DNM3: variants seen among roughly 807,000 people sequenced by gnomAD.
The protein encoded by DNM3 is dynamin-3.
A neutral mutation model predicts 101.6 loss-of-function variants in DNM3; 47 were observed. The ratio of observed to expected loss-of-function variants is 0.46; its 90% confidence interval spans 0.37 to 0.59. DNM3 has a LOEUF of 0.59. Among genes scored for constraint, DNM3 ranks in the 20% least tolerant of loss-of-function variants. The pLI, the probability that DNM3 is intolerant of heterozygous loss-of-function variation, is 0.00. For synonymous variants in DNM3, 385 were observed against 387.9 expected (o/e 0.99, Z 0.09); for missense variants, 849 against 1,085.7 (o/e 0.78, Z 3.06).
At chr1:172,102,660 G>A (rs1420950203) in intron 13 of DNM3, among the ~76,000 whole-genome samples, 1 of 152,094 alleles carries the variant, frequency 6.6e-6, no homozygotes, top group Admixed American at 6.5e-5. Context: ...GGACAGTAGA[G>A]GCATGGTCTT....
intron 14 of DNM3, among the ~76,000 whole-genome samples, chr1:172,213,517 C>CAAAAAAAAAA (rs57339395): frequency 1.3e-5 from 1 of 79,380 alleles, no homozygotes. Flanking sequence ...TCCATTGTTA[C>CAAAAAAAAAA]AAAAAAAAAA....
chr1:172,257,213 G>A (rs2062440374), intron 15 of DNM3, among the ~76,000 whole-genome samples: 1 of 152,006 alleles, frequency 6.6e-6, no homozygotes, highest in Admixed American at 6.6e-5. Context: ...CAGCTGTTAT[G>A]TGCCAGATAC....
intron 1 of DNM3, among the ~76,000 whole-genome samples, chr1:171,899,003 C>T (rs71523161): frequency 0.26 from 39,582 of 152,090 alleles, 5,677 homozygotes; most frequent in Admixed American, 0.34. Flanking sequence ...TAGTGTCCTC[C>T]GGATGTTGGG....
chr1:172,045,813 C>A (rs2049748832), intron 9 of DNM3, among the ~76,000 whole-genome samples: 2 of 152,170 alleles, frequency 1.3e-5, no homozygotes, highest in South Asian at 4.1e-4. Flanking sequence ...CAGCCTCTGC[C>A]AAAGGGCCAA....
intron 4 of DNM3, among the ~76,000 whole-genome samples, chr1:172,016,480 C>A (rs1286966214): frequency 1.3e-5 from 2 of 152,108 alleles, no homozygotes; most frequent in Non-Finnish European, 1.5e-5. Context: ...GGGATAAATC[C>A]CACTACATTG....
intron 2 of DNM3, among the ~76,000 whole-genome samples, chr1:171,986,406 T>G (rs1239209557): frequency 1.3e-5 from 2 of 152,192 alleles, no homozygotes; most frequent in African/African-American, 4.8e-5. Flanking sequence ...CAAATGATTC[T>G]GTATTGTTAT....
At chr1:172,234,330 A>G (rs1262031924) in intron 14 of DNM3, among the ~76,000 whole-genome samples, 3 of 152,088 alleles carry the variant, frequency 2.0e-5, no homozygotes, top group Admixed American at 6.6e-5. Context: ...CAACTTACAA[A>G]AGATGTGAAG....
At chr1:172,192,315 T>G (rs560197460) in intron 14 of DNM3, among the ~76,000 whole-genome samples, 1 of 152,128 alleles carries the variant, frequency 6.6e-6, no homozygotes, top group African/African-American at 2.4e-5. Flanking sequence ...TTGCATATGT[T>G]GAACCAGCCT....
At chr1:172,183,675 A>G (rs774431282) in intron 14 of DNM3, among the ~76,000 whole-genome samples, 1 of 151,384 alleles carries the variant, frequency 6.6e-6, no homozygotes, top group Non-Finnish European at 1.5e-5. Context: ...ATCATGGCTT[A>G]CTGCAGCCTC....
intron 15 of DNM3, among the ~76,000 whole-genome samples, chr1:172,285,766 C>T (rs890893374): frequency 1.3e-5 from 2 of 152,074 alleles, no homozygotes; most frequent in Non-Finnish European, 2.9e-5. Context: ...AAACCATTGG[C>T]ACCATGATCC....
chr1:171,862,764 A>G (rs1416400931), intron 1 of DNM3, among the ~76,000 whole-genome samples: 5 of 152,168 alleles, frequency 3.3e-5, no homozygotes, highest in Non-Finnish European at 7.4e-5. Flanking sequence ...AAACCTTAGG[A>G]CAGAGATAAA....
At chr1:172,105,827 T>A (rs556797398) in intron 13 of DNM3, among the ~76,000 whole-genome samples, 2 of 152,182 alleles carry the variant, frequency 1.3e-5, no homozygotes, top group Admixed American at 1.3e-4. Flanking sequence ...GAAATACTCA[T>A]GTTGTAATTT....
At chr1:171,970,975 A>G (rs1384724230) in intron 2 of DNM3, among the ~76,000 whole-genome samples, 5 of 152,120 alleles carry the variant, frequency 3.3e-5, no homozygotes, top group Non-Finnish European at 5.9e-5. Flanking sequence ...TAAAAAAATA[A>G]TAACAGTAGC....
chr1:172,300,898 C>T (rs1017257111), intron 15 of DNM3, among the ~76,000 whole-genome samples: 12 of 152,176 alleles, frequency 7.9e-5, no homozygotes, highest in African/African-American at 2.9e-4. Flanking sequence ...AATTACACCA[C>T]TAAAATGGGA....
chr1:172,300,914 G>A (rs1220087048), intron 15 of DNM3, among the ~76,000 whole-genome samples: 1 of 152,168 alleles, frequency 6.6e-6, no homozygotes, highest in African/African-American at 2.4e-5. Flanking sequence ...TGGGAACATT[G>A]GAAGAAGACC....
chr1:172,042,107 G>A lies in DNM3; in HGVS notation c.1091G>A (p.Arg364His), dbSNP rs1162372963. 6.2e-7 allele frequency: 1 copy of A among 1,609,368 alleles called. No individual in the cohort carries two copies. Among genetic ancestry groups the A allele is most frequent in the Non-Finnish European group, 8.5e-7 (1 of 1,178,714 alleles). Residue 364 changes from arginine (R) to histidine (H), a missense_variant, in exon 8 of 21, where the codon CGT becomes CAT. This residue lies in a region of DNM3 where 388 missense variants were observed against 483.0 expected (regional missense o/e 0.80). Transcript: ENST00000627582. Reference sequence around the variant, plus strand: ...CTCTCAGGTGGTGCTAAAATCAATCGTATTTTTCATGAACGCTTTCCTTTT... The same window carrying A: ...CTCTCAGGTGGTGCTAAAATCAATCATATTTTTCATGAACGCTTTCCTTTT... Reference protein sequence around the residue: ...LELSGGAKINRIFHERFPFEI... With the variant: ...LELSGGAKINHIFHERFPFEI...
intron 14 of DNM3, among the ~76,000 whole-genome samples, chr1:172,247,591 A>G (rs1341760660): frequency 1.3e-5 from 2 of 151,972 alleles, no homozygotes; most frequent in Admixed American, 6.6e-5. Context: ...TTTAAAAAAC[A>G]TATTTGGTGC....
At chr1:172,061,419 T>C (rs966746542) in intron 10 of DNM3, among the ~76,000 whole-genome samples, 1 of 150,720 alleles carries the variant, frequency 6.6e-6, no homozygotes, top group African/African-American at 2.5e-5. Context: ...TGCAGCACTA[T>C]TCACAATAGC....
chr1:172,077,895 TG>T (rs762126640), intron 11 of DNM3, among the ~76,000 whole-genome samples: 1 of 152,156 alleles, frequency 6.6e-6, no homozygotes, highest in African/African-American at 2.4e-5. Context: ...ATATTGACAG[TG>T]GGGTGTTAAA....
Sources: gnomAD v4.1 joint callset for allele counts (sites outside exome capture counted in the v4.1 genomes callset) on GRCh38, gnomAD v4.1.1 for gene constraint, gnomAD v4.1.1 regional missense constraint, MANE v1.5 for transcripts, NCBI Gene and HGNC (gene_info 2026-07-23, HGNC 2026-07-21) for gene names.